Variants in SCAMP4 observed in about 807,000 individuals in gnomAD.
SCAMP4 encodes the protein secretory carrier membrane protein 4.
SCAMP4 carries 19 observed loss-of-function variants against 32.1 expected under a neutral mutation model. The ratio of observed to expected loss-of-function variants is 0.59; its 90% confidence interval spans 0.41 to 0.87. The LOEUF (loss-of-function observed/expected upper bound fraction) is 0.87, where lower values mean the gene tolerates loss of function less well. Ranked by LOEUF, SCAMP4 falls within the 40% of genes least tolerant of loss-of-function variation. SCAMP4 has a pLI of 0.00. For missense variants in SCAMP4, 302 were observed against 309.0 expected (o/e 0.98, Z 0.17); for synonymous variants, 152 against 132.7 (o/e 1.15, Z -1.00).
At chr19:1,920,410 A>G (rs2013881396) in intron 5 of SCAMP4, 2 of 706,814 alleles carry the variant, frequency 2.8e-6, no homozygotes, top group Non-Finnish European at 3.5e-6. Context: ...CTCTCCCTTC[A>G]GGGCCCCTCG....
chr19:1,915,145 C>A, intron 2 of SCAMP4, 119 bp downstream of exon 2: 1 of 1,215,026 alleles, frequency 8.2e-7, no homozygotes, highest in Non-Finnish European at 1.2e-6. Flanking sequence ...CCCACCTGGC[C>A]TCTGACTCCT....
chr19:1,908,482 G>A lies in SCAMP4; in HGVS notation c.-42+3043G>A, dbSNP rs1353128981. 1 of 471,042 alleles carries A rather than the reference G, an allele frequency of 2.1e-6. No homozygotes were observed. The highest frequency in any genetic ancestry group is 2.3e-5 in the Admixed American group (1 of 42,558). 29.2% of individuals were successfully genotyped at this position (471,042 alleles called of 1,614,324 possible). A position where few individuals can be genotyped will look rare whatever the true frequency, so the allele number is the denominator to read the frequency against. ...CGAAATGATCCAGAGACACATCCCT[G>A]TCTGCGGGAGGAGCCGTCCATACCA... is the stretch of plus-strand genomic sequence containing the variant. On this transcript the variant is annotated intron_variant, in intron 1 of 6. Coordinates refer to ENST00000316097, the MANE Select transcript of SCAMP4 (RefSeq NM_079834.4). This position sits in a 1 kb window ranked among gnomAD's most constrained non-coding sequence, Gnocchi z 4.2.
chr19:1,920,556 C>T (rs979063459), intron 5 of SCAMP4: 8 of 967,950 alleles, frequency 8.3e-6, no homozygotes, highest in Admixed American at 6.2e-5. Context: ...GCCTGAGTGA[C>T]GTTGCCCCAG....
intron 5 of SCAMP4, chr19:1,922,513 G>A (rs1324129416): frequency 9.1e-6 from 9 of 984,098 alleles, no homozygotes; most frequent in Admixed American, 6.1e-5. Flanking sequence ...GGGACGACAG[G>A]CGTAAGCCTC....
chr19:1,910,156 C>T (rs933656326), intron 1 of SCAMP4, among the ~76,000 whole-genome samples: 4 of 152,204 alleles, frequency 2.6e-5, no homozygotes, highest in Non-Finnish European at 4.4e-5. Context: ...TGTGACATGG[C>T]TGGCTCCTCT....
At chr19:1,917,935 C>G in intron 3 of SCAMP4, 113 bp downstream of exon 3, 1 of 1,443,374 alleles carries the variant, frequency 6.9e-7, no homozygotes, top group South Asian at 1.3e-5. Context: ...CTGAAGCCGT[C>G]CTGGGCCTGG....
At chr19:1,920,829 T>C (rs879777730) in intron 5 of SCAMP4, 49 of 985,264 alleles carry the variant, frequency 5.0e-5, no homozygotes, top group Non-Finnish European at 2.8e-5. Context: ...CCGTGTTGGG[T>C]GGTCCTGAGA....
intron 1 of SCAMP4, among the ~76,000 whole-genome samples, chr19:1,910,396 A>G (rs1246489111): frequency 6.6e-6 from 1 of 152,118 alleles, no homozygotes; most frequent in East Asian, 1.9e-4. Context: ...GCTTCTGGAG[A>G]TGCAGAGATC....
intron 1 of SCAMP4, chr19:1,912,088 C>G (rs1355275475): frequency 2.0e-6 from 3 of 1,472,856 alleles, no homozygotes; most frequent in Non-Finnish European, 2.7e-6. Flanking sequence ...CAGTCGGCCT[C>G]GCTGAGGATG....
rs527621111 is a variant in SCAMP4, at chr19:1,908,330, G to A, written c.-42+2891G>A. 3.4e-4 allele frequency: 123 copies of A among 358,198 alleles called. No individual in the cohort carries two copies. The highest frequency in any genetic ancestry group is 2.2e-3 in the African/African-American group (100 of 46,464). The allele number at this position is 358,198 out of a possible 1,614,324, so 22.2% of individuals were successfully genotyped here. A position where few individuals can be genotyped will look rare whatever the true frequency, so the allele number is the denominator to read the frequency against. ...CGGGCAGCGCTGGGGCCGCTTCAGC[G>A]TGACCTCCAAGGCCACTGGCCTGGA... On this transcript the variant is annotated intron_variant, in intron 1 of 6. Transcript: ENST00000316097. The surrounding 1 kb of genome is among the most constrained non-coding windows in gnomAD (Gnocchi z 4.2).
chr19:1,923,082 G>A lies in SCAMP4; in HGVS notation c.408G>A (p.Ser136=), dbSNP rs373347577. 178 of 1,549,456 alleles carry A rather than the reference G, an allele frequency of 1.1e-4. No homozygotes were observed. The highest frequency in any genetic ancestry group is 1.6e-4 in the South Asian group (13 of 83,698). Reference sequence around the variant, plus strand: ...TTGTCCCTTGCAGCGGCTGGCTGTCGGCAATTGGATTCTTCCAGTACAGCC... The same window carrying A: ...TTGTCCCTTGCAGCGGCTGGCTGTCAGCAATTGGATTCTTCCAGTACAGCC... The part of the protein sequence containing the change: ...FSGWGACGWL[S]AIGFFQYSPG... The change falls in exon 6 of 7, where the codon TCG becomes TCA. Residue 136 remains serine (S), a synonymous_variant. Transcript: ENST00000316097.
chr19:1,916,242 A>G (rs1860397822), intron 2 of SCAMP4, among the ~76,000 whole-genome samples: 1 of 151,944 alleles, frequency 6.6e-6, no homozygotes, highest in Non-Finnish European at 1.5e-5. Flanking sequence ...GATCTCAAAA[A>G]AAAAAAAAAG....
rs895334847 is a variant in SCAMP4, at chr19:1,923,014, A to G, written c.396-56A>G. 8 of 1,480,492 alleles carry G rather than the reference A, an allele frequency of 5.4e-6. No homozygotes were observed. In the African/African-American group the frequency reaches 5.6e-5, roughly 10 times the overall value. 91.7% of individuals were successfully genotyped at this position (1,480,492 alleles called of 1,614,324 possible). A position where few individuals can be genotyped will look rare whatever the true frequency, so the allele number is the denominator to read the frequency against. Reference sequence around the variant, plus strand: ...CATGGGGAGGACCATGGGCCGGACCATGGGCCCTCATCCAGCAGGTGTGCA... The same window carrying G: ...CATGGGGAGGACCATGGGCCGGACCGTGGGCCCTCATCCAGCAGGTGTGCA... On this transcript the variant is annotated intron_variant, in intron 5 of 6. Coordinates refer to ENST00000316097, the MANE Select transcript of SCAMP4 (RefSeq NM_079834.4).
intron 2 of SCAMP4, among the ~76,000 whole-genome samples, chr19:1,917,490 C>T (rs1241488693): frequency 2.6e-5 from 4 of 152,130 alleles, no homozygotes; most frequent in South Asian, 4.1e-4. Flanking sequence ...AGCCTCTTCC[C>T]GTTTCTCTCT....
Position 1,918,932 on chromosome 19 carries a change from G to C in SCAMP4, c.337G>C (p.Gly113Arg). The C allele has an allele frequency of 1.2e-6, 2 of 1,612,410 alleles. No homozygotes were observed. The highest frequency in any genetic ancestry group is 1.7e-6 in the Non-Finnish European group (2 of 1,179,276). The change falls in exon 5 of 7, where the codon GGA (glycine) becomes CGA (arginine). Residue 113 changes from glycine (G) to arginine (R), a missense_variant. By Grantham distance (125) the Gly-to-Arg change is moderately radical. Coordinates refer to ENST00000316097, the MANE Select transcript of SCAMP4 (RefSeq NM_079834.4). ...FNFMAFFFIF[G>R]AQFVLTVIQA... The stretch of plus-strand genomic sequence containing the variant: ...TTTCATGGCGTTTTTCTTCATCTTC[G>C]GAGCCCAGTTTGTCCTGACCGTCAT...
chr19:1,907,814 C>T (rs1261422954), intron 1 of SCAMP4, among the ~76,000 whole-genome samples: 2 of 152,130 alleles, frequency 1.3e-5, no homozygotes, highest in East Asian at 3.9e-4. Context: ...TGGCCCCCTG[C>T]TGTTGGGGGG....
At chr19:1,920,996 G>A (rs1351275567) in intron 5 of SCAMP4, 19 of 985,300 alleles carry the variant, frequency 1.9e-5, no homozygotes, top group Non-Finnish European at 2.0e-5. Flanking sequence ...GTCCCTGCCC[G>A]AGGTGGACAG....
At chr19:1,916,395 C>T (rs1275886078) in intron 2 of SCAMP4, among the ~76,000 whole-genome samples, 9 of 152,142 alleles carry the variant, frequency 5.9e-5, no homozygotes, top group Admixed American at 2.0e-4. Context: ...AGAGGGAGCG[C>T]GTTCCTGAGA....
intron 1 of SCAMP4, chr19:1,913,256 A>G (rs2145440854): frequency 1.4e-6 from 2 of 1,419,090 alleles, no homozygotes; most frequent in South Asian, 1.5e-5. Flanking sequence ...CGTGGATTTC[A>G]GGGACACATA....
Sources: allele counts gnomAD v4.1 joint callset (sites outside exome capture counted in the v4.1 genomes callset), GRCh38; gene constraint gnomAD v4.1.1; non-coding constraint Gnocchi (gnomAD v3.1); transcripts MANE v1.5; gene names NCBI Gene and HGNC (gene_info 2026-07-23, HGNC 2026-07-21).